The following RGS9 variants were observed in gnomAD, a reference collection of about 807,000 sequenced individuals.
RGS9 encodes the protein regulator of G-protein signalling 9.
A neutral mutation model predicts 102.0 loss-of-function variants in RGS9; 78 were observed. The observed-to-expected ratio is 0.76, with a 90% CI of 0.64 to 0.92. The LOEUF is 0.92. Among genes scored for constraint, RGS9 ranks in the 40% least tolerant of loss-of-function variants. RGS9 has a pLI of 0.00. For synonymous variants in RGS9, 353 were observed against 318.6 expected, an observed-to-expected ratio of 1.11 and a Z score of -1.15; for missense variants, 833 against 866.1, an observed-to-expected ratio of 0.96 and a Z score of 0.48.
intron 7 of RGS9, among the ~76,000 whole-genome samples, chr17:65,165,851 C>A (rs1911159916): frequency 1.3e-5 from 2 of 152,202 alleles, no homozygotes; most frequent in South Asian, 4.1e-4. Context: ...TGTTACTGCA[C>A]TCAGATCATC....
chr17:65,165,019 C>T (rs78755574), intron 7 of RGS9, among the ~76,000 whole-genome samples: 12,148 of 152,168 alleles, frequency 0.08, 1,529 homozygotes, highest in East Asian at 0.51. Flanking sequence ...CCATTTGTTG[C>T]ACCAGTTTTG....
intron 17 of RGS9, among the ~76,000 whole-genome samples, chr17:65,214,653 G>A (rs946238610): frequency 1.3e-5 from 2 of 152,228 alleles, no homozygotes; most frequent in African/African-American, 4.8e-5. Context: ...TATTGGGTCA[G>A]GAAAAGGTGC....
chr17:65,219,816 C>T (rs1305929636), intron 17 of RGS9, among the ~76,000 whole-genome samples: 1 of 152,082 alleles, frequency 6.6e-6, no homozygotes, highest in Non-Finnish European at 1.5e-5. Context: ...CCACCTTCAT[C>T]GCCATCACTA....
chr17:65,211,045 T>G (rs558078498), intron 17 of RGS9, among the ~76,000 whole-genome samples: 29 of 152,204 alleles, frequency 1.9e-4, no homozygotes, highest in Admixed American at 1.4e-3. Context: ...GAGAGAGAGC[T>G]TTGTCTACCA....
chr17:65,137,440 A>T lies in RGS9; in HGVS notation c.-101A>T. On this transcript the variant is annotated 5_prime_UTR_variant, in exon 1 of 19. Coordinates refer to ENST00000262406, the MANE Select transcript of RGS9 (RefSeq NM_003835.4). ...TCCCCGCCCAGCCGCCTCCCCGTCGACGCCCAGGGCTGGGGCGAGCCAGGC... is the reference window on the plus strand; with the variant it reads ...TCCCCGCCCAGCCGCCTCCCCGTCGTCGCCCAGGGCTGGGGCGAGCCAGGC... The T allele has an allele frequency of 1.6e-6, 2 of 1,228,502 alleles. No individual in the cohort carries two copies. Among genetic ancestry groups the T allele is most frequent in the East Asian group, 4.7e-5 (2 of 42,702 alleles). The allele number at this position is 1,228,502 out of a possible 1,614,324, so 76.1% of individuals were successfully genotyped here.
At chr17:65,171,846 A>G (rs766834938) in intron 8 of RGS9, among the ~76,000 whole-genome samples, 7 of 152,258 alleles carry the variant, frequency 4.6e-5, no homozygotes, top group Admixed American at 1.3e-4. Context: ...AGTTTTGTAA[A>G]TGAACAAAGG....
chr17:65,184,833 C>T (rs1192661276), intron 9 of RGS9, among the ~76,000 whole-genome samples: 2 of 145,222 alleles, frequency 1.4e-5, no homozygotes, highest in African/African-American at 2.7e-5. Flanking sequence ...CTCCTTCCTT[C>T]CTTCCTTCTT....
chr17:65,191,501 G>T (rs1912366878), intron 11 of RGS9, among the ~76,000 whole-genome samples: 1 of 152,024 alleles, frequency 6.6e-6, no homozygotes, highest in African/African-American at 2.4e-5. Context: ...CCTGAGGTCA[G>T]GATTTCAGGG....
At chr17:65,217,576 C>T (rs1253113237) in intron 17 of RGS9, among the ~76,000 whole-genome samples, 1 of 152,068 alleles carries the variant, frequency 6.6e-6, no homozygotes, top group Non-Finnish European at 1.5e-5. Context: ...GGAGAGTGAG[C>T]TGTGTGTGTA....
At chr17:65,141,198 C>T (rs985484757) in intron 1 of RGS9, among the ~76,000 whole-genome samples, 3 of 152,250 alleles carry the variant, frequency 2.0e-5, no homozygotes, top group African/African-American at 7.2e-5. Flanking sequence ...GAAGGCCCAT[C>T]TGTTCATGGC....
chr17:65,174,838 G>A (rs144276515), intron 8 of RGS9, among the ~76,000 whole-genome samples: 2,313 of 152,236 alleles, frequency 0.015, 43 homozygotes, highest in African/African-American at 0.053. Context: ...CAATCATGGC[G>A]GAACGGGAAA....
chr17:65,177,696 C>T, intron 8 of RGS9, 36 bp from the exon 9 acceptor site: 1 of 1,588,966 alleles, frequency 6.3e-7, no homozygotes, highest in African/African-American at 1.3e-5. Context: ...GGAGACTCTC[C>T]CTGTAATGAC....
At position 65,221,515 on chromosome 17, in the gene RGS9, A is replaced by G. The variant is rs529885988; in HGVS notation, c.1408-3487A>G. ...AAGCAAGGCCCTTTGGGTCACACAGACCTGGCCTCAGGTTCTCATTTAGTC... is the reference window on the plus strand; with the variant it reads ...AAGCAAGGCCCTTTGGGTCACACAGGCCTGGCCTCAGGTTCTCATTTAGTC... On this transcript the variant is annotated intron_variant, in intron 17 of 18. Coordinates refer to ENST00000262406, the MANE Select transcript of RGS9 (RefSeq NM_003835.4). 2.6e-5 allele frequency among the ~76,000 whole-genome samples: 4 copies of G among 152,272 alleles called. No homozygotes were observed. In the South Asian group the frequency reaches 8.3e-4, roughly 32 times the overall value.
chr17:65,180,594 C>T (rs1911842822), intron 9 of RGS9, among the ~76,000 whole-genome samples: 1 of 152,218 alleles, frequency 6.6e-6, no homozygotes, highest in Non-Finnish European at 1.5e-5. Flanking sequence ...AGGTGATCCG[C>T]CCATCTTGGC....
At chr17:65,179,635 CTG>C (rs56275900) in intron 9 of RGS9, among the ~76,000 whole-genome samples, 5,302 of 124,810 alleles carry the variant, frequency 0.042, 113 homozygotes, top group African/African-American at 0.069. Context: ...TACTGCTCAG[CTG>C]TGTGTGTGTG....
At chr17:65,225,613 T>G (rs1475793776) in intron 18 of RGS9, 127 bp downstream of exon 18, 4 of 1,365,058 alleles carry the variant, frequency 2.9e-6, no homozygotes, top group Non-Finnish European at 4.1e-6. Flanking sequence ...GGCAGCCCAC[T>G]CAGATCCCTT....
chr17:65,189,565 G>A (rs542247463), intron 10 of RGS9, among the ~76,000 whole-genome samples: 21 of 152,354 alleles, frequency 1.4e-4, no homozygotes, highest in Non-Finnish European at 2.8e-4. Flanking sequence ...GGTGGCCAGA[G>A]AGGACTGTGG....
chr17:65,219,104 C>A (rs1339833905), intron 17 of RGS9, among the ~76,000 whole-genome samples: 2 of 152,182 alleles, frequency 1.3e-5, no homozygotes, highest in Non-Finnish European at 2.9e-5. Context: ...CAGTGGCCAA[C>A]CGGGACCATC....
chr17:65,138,588 C>T (rs1488777040), intron 1 of RGS9, among the ~76,000 whole-genome samples: 1 of 152,004 alleles, frequency 6.6e-6, no homozygotes, highest in Non-Finnish European at 1.5e-5. Flanking sequence ...TTCCGGGTAG[C>T]AGAGGTGTGG....
Sources: gnomAD v4.1 joint callset for allele counts (sites outside exome capture counted in the v4.1 genomes callset) on GRCh38, gnomAD v4.1.1 for gene constraint, MANE v1.5 for transcripts, NCBI Gene and HGNC (gene_info 2026-07-23, HGNC 2026-07-21) for gene names.